VIT: variants seen among roughly 807,000 people sequenced by gnomAD.
VIT encodes the protein vitrin.
A neutral mutation model predicts 78.0 loss-of-function variants in VIT; 99 were observed. The ratio of observed to expected loss-of-function variants is 1.27; its 90% CI spans 1.08 to 1.50. The LOEUF (loss-of-function observed/expected upper bound fraction) is 1.50, where lower values mean the gene tolerates loss of function less well. Ranked by LOEUF, VIT falls within the 40% of genes most tolerant of loss-of-function variation. VIT has a pLI of 0.00. For missense variants in VIT, 1,126 were observed against 875.3 expected, an observed-to-expected ratio of 1.29 and a Z score of -3.61; for synonymous variants, 374 against 334.3, an observed-to-expected ratio of 1.12 and a Z score of -1.29.
At chr2:36,813,591 A>T (rs1667350865) in intron 15 of VIT, among the ~76,000 whole-genome samples, 1 of 152,190 alleles carries the variant, frequency 6.6e-6, no homozygotes, top group African/African-American at 2.4e-5. Flanking sequence ...GCTGGGGACC[A>T]TCTCTCTGGC....
At chr2:36,741,635 G>A (rs1312197917) in intron 3 of VIT, among the ~76,000 whole-genome samples, 1 of 152,172 alleles carries the variant, frequency 6.6e-6, no homozygotes, top group Non-Finnish European at 1.5e-5. Flanking sequence ...GACCATCTCA[G>A]GAACCCAGTT....
chr2:36,776,818 C>T (rs1317953884), intron 9 of VIT, among the ~76,000 whole-genome samples: 1 of 150,684 alleles, frequency 6.6e-6, no homozygotes. Flanking sequence ...TGGCCTGGCG[C>T]GGTGGCTCAC....
intron 13 of VIT, 97 bp downstream of exon 13, chr2:36,801,501 A>G (rs980643948): frequency 1.8e-6 from 2 of 1,125,212 alleles, no homozygotes; most frequent in Non-Finnish European, 2.6e-6. Context: ...AAAAAATAAT[A>G]ATAATCCGTC....
At chr2:36,775,445 G>T (rs569214161) in intron 9 of VIT, among the ~76,000 whole-genome samples, 1 of 152,142 alleles carries the variant, frequency 6.6e-6, no homozygotes, top group Non-Finnish European at 1.5e-5. Flanking sequence ...CATGGGGGAT[G>T]GTTGGCAAGG....
chr2:36,749,918 G>A (rs957431975), intron 4 of VIT, among the ~76,000 whole-genome samples: 5 of 152,156 alleles, frequency 3.3e-5, no homozygotes, highest in Non-Finnish European at 7.4e-5. Context: ...ATTTGAGGGA[G>A]CAGTAAGACA....
chr2:36,701,950 C>T (rs1573098831), intron 1 of VIT, among the ~76,000 whole-genome samples: 2 of 152,320 alleles, frequency 1.3e-5, no homozygotes. Context: ...TGAACAAAAA[C>T]ATTTCCATTT....
At position 36,808,480 on chromosome 2, in the gene VIT, C is replaced by T. The variant is rs760912303; in HGVS notation, c.1398C>T (p.Cys466=). 5.0e-6 allele frequency: 8 copies of T among 1,605,462 alleles called. No individual in the cohort carries two copies. The Admixed American group carries it at 1.3e-4, about 27-fold the overall frequency. The change falls in exon 15 of 16, where the codon TGC becomes TGT. Residue 466 remains cysteine (C), a synonymous_variant. Coordinates refer to ENST00000379242, the MANE Select transcript of VIT (RefSeq NM_053276.4). ...TCCCCTCTGTCTTCTAGGCCGTGTG[C>T]AGAACAAACGGCTTCTACTCGCTCC... The part of the protein sequence containing the change: ...VEPNFANKAV[C]RTNGFYSLHV...
chr2:36,726,182 G>A lies in VIT; in HGVS notation c.53-3244G>A, dbSNP rs548190871. 1.1e-4 allele frequency among the ~76,000 whole-genome samples: 16 copies of A among 152,134 alleles called. 1 individual carries two copies. In the South Asian group the frequency reaches 3.3e-3, roughly 32 times the overall value. Reference sequence around the variant, plus strand: ...GGAAATTTATTTTAAGGAAATAATGGATCGATGCAAAGATTACACTATTTA... The same window carrying A: ...GGAAATTTATTTTAAGGAAATAATGAATCGATGCAAAGATTACACTATTTA... On this transcript the variant is annotated intron_variant, in intron 2 of 15. Transcript: ENST00000379242.
At chr2:36,802,922 G>A (rs996142085) in intron 13 of VIT, among the ~76,000 whole-genome samples, 1 of 152,262 alleles carries the variant, frequency 6.6e-6, no homozygotes, top group Non-Finnish European at 1.5e-5. Context: ...AGCTTTAAGA[G>A]ATGATGTCTG....
intron 7 of VIT, among the ~76,000 whole-genome samples, chr2:36,768,160 G>A (rs775169209): frequency 9.9e-5 from 15 of 152,128 alleles, no homozygotes; most frequent in Admixed American, 1.3e-4. Flanking sequence ...GGCTGGGAGC[G>A]GTGGCTCACG....
intron 6 of VIT, chr2:36,759,311 T>C: frequency 6.9e-7 from 1 of 1,444,368 alleles, no homozygotes; most frequent in South Asian, 1.5e-5. Context: ...GACTGTTGCC[T>C]TGAGTTTTAA....
At chr2:36,800,493 C>T (rs1666243017) in intron 12 of VIT, among the ~76,000 whole-genome samples, 1 of 152,220 alleles carries the variant, frequency 6.6e-6, no homozygotes, top group African/African-American at 2.4e-5. Context: ...GACTGAGGCT[C>T]TTCTGGAGCA....
chr2:36,729,519 C>A, intron 3 of VIT, 28 bp downstream of exon 3: 3 of 1,596,064 alleles, frequency 1.9e-6, no homozygotes, highest in Non-Finnish European at 2.6e-6. Context: ...TCCTTGCTGG[C>A]ATAATGCTTG....
intron 4 of VIT, among the ~76,000 whole-genome samples, chr2:36,754,372 G>T (rs2148548213): frequency 6.6e-6 from 1 of 152,288 alleles, no homozygotes; most frequent in Non-Finnish European, 1.5e-5. Context: ...ACATTCATAT[G>T]TCAGTCACCG....
At chr2:36,798,201 A>C (rs1388722514) in intron 12 of VIT, among the ~76,000 whole-genome samples, 4 of 152,212 alleles carry the variant, frequency 2.6e-5, no homozygotes, top group Admixed American at 2.6e-4. Flanking sequence ...ATTTCCAAGC[A>C]GGGGAATTTT....
chr2:36,810,477 C>T lies in VIT; in HGVS notation c.1903+1492C>T, dbSNP rs538564363. On this transcript the variant is annotated intron_variant, in intron 15 of 15. Coordinates refer to ENST00000379242, the MANE Select transcript of VIT (RefSeq NM_053276.4). ...AAAAAGTGTCATAAGTTATCAAGAACATAAACAGCCTGGAGAAAACCCCAA... is the reference window on the plus strand; with the variant it reads ...AAAAAGTGTCATAAGTTATCAAGAATATAAACAGCCTGGAGAAAACCCCAA... Among the ~76,000 whole-genome samples, 5 of 152,236 alleles carry T rather than the reference C, an allele frequency of 3.3e-5. No homozygotes were observed. In the East Asian group the frequency reaches 7.7e-4, roughly 23 times the overall value.
At chr2:36,700,772 ACTTC>A (rs933083679) in intron 1 of VIT, among the ~76,000 whole-genome samples, 32 of 151,936 alleles carry the variant, frequency 2.1e-4, no homozygotes, top group Admixed American at 7.9e-4. Flanking sequence ...AACTGCTAAC[ACTTC>A]CAGAGCTATT....
At chr2:36,698,506 C>T (rs1349493305) in intron 1 of VIT, among the ~76,000 whole-genome samples, 2 of 152,180 alleles carry the variant, frequency 1.3e-5, no homozygotes, top group South Asian at 2.1e-4. Context: ...CCTTGGAAAA[C>T]ATATATAACA....
chr2:36,711,645 C>T (rs931278870), intron 1 of VIT, among the ~76,000 whole-genome samples: 1 of 152,224 alleles, frequency 6.6e-6, no homozygotes, highest in Non-Finnish European at 1.5e-5. Flanking sequence ...GTTGTGCCCA[C>T]TACCAAACAC....
Sources: gnomAD v4.1 joint callset for allele counts (sites outside exome capture counted in the v4.1 genomes callset) on GRCh38, gnomAD v4.1.1 for gene constraint, MANE v1.5 for transcripts, NCBI Gene and HGNC (gene_info 2026-07-23, HGNC 2026-07-21) for gene names.